Variants in ARHGAP24 observed in about 807,000 individuals in gnomAD.
ARHGAP24 encodes Rho GTPase activating protein 24, also known as rho GTPase-activating protein 24.
Under a neutral mutation model 76.4 loss-of-function variants are expected in ARHGAP24, and 50 were observed. The ratio of observed to expected loss-of-function variants is 0.65; its 90% CI spans 0.52 to 0.83. The LOEUF (loss-of-function observed/expected upper bound fraction) is 0.83, where lower values mean the gene tolerates loss of function less well. Ranked by LOEUF, ARHGAP24 falls within the 40% of genes least tolerant of loss-of-function variation. ARHGAP24 has a pLI of 0.00. For missense variants in ARHGAP24, 930 were observed against 914.2 expected, an observed-to-expected ratio of 1.02 and a Z score of -0.22; for synonymous variants, 345 against 323.3, an observed-to-expected ratio of 1.07 and a Z score of -0.72.
chr4:85,776,966 C>A (rs923455701), intron 3 of ARHGAP24, among the ~76,000 whole-genome samples: 15 of 152,014 alleles, frequency 9.9e-5, no homozygotes, highest in African/African-American at 3.6e-4. Context: ...TCAATGTGTC[C>A]AACTCTTGTC....
intron 1 of ARHGAP24, among the ~76,000 whole-genome samples, chr4:85,513,865 T>G (rs1445896043): frequency 6.6e-6 from 1 of 152,238 alleles, no homozygotes; most frequent in Non-Finnish European, 1.5e-5. Context: ...GTTTTGTTGC[T>G]TGTCCCAGAG....
chr4:85,797,108 TGATGATA>T lies in ARHGAP24; in HGVS notation c.268+75139_268+75145del, dbSNP rs1460334968. Among the ~76,000 whole-genome samples, 4 of 152,188 alleles carry T rather than the reference TGATGATA, an allele frequency of 2.6e-5. No individual in the cohort carries two copies. In the South Asian group the frequency reaches 6.2e-4, roughly 24 times the overall value. Reference sequence around the variant, plus strand: ...GCAGTGTCTCTCTATCGCCCTCTACTGATGATAGAGTTTAGCATGGTAGCAGCTGGGA... The same window carrying T: ...GCAGTGTCTCTCTATCGCCCTCTACTGAGTTTAGCATGGTAGCAGCTGGGA... On this transcript the variant is annotated intron_variant, in intron 3 of 9. Transcript: ENST00000395184.
chr4:85,568,195 G>A (rs751099725), intron 1 of ARHGAP24, among the ~76,000 whole-genome samples: 81 of 151,778 alleles, frequency 5.3e-4, no homozygotes, highest in Middle Eastern at 3.4e-3. Flanking sequence ...CATTTTAGAG[G>A]GAATTTTTCA....
intron 3 of ARHGAP24, among the ~76,000 whole-genome samples, chr4:85,758,835 T>C (rs1468673904): frequency 1.3e-5 from 2 of 152,124 alleles, no homozygotes; most frequent in Admixed American, 6.5e-5. Flanking sequence ...TTAAGAACTG[T>C]TAAGGAAAAT....
chr4:85,804,722 ATATTT>A (rs1486676838), intron 3 of ARHGAP24, among the ~76,000 whole-genome samples: 3 of 152,172 alleles, frequency 2.0e-5, no homozygotes, highest in African/African-American at 7.2e-5. Flanking sequence ...ATTTTTCAAA[ATATTT>A]TATTTTATTT....
chr4:85,741,709 T>A (rs1214553641), intron 3 of ARHGAP24, among the ~76,000 whole-genome samples: 1 of 152,200 alleles, frequency 6.6e-6, no homozygotes, highest in Admixed American at 6.5e-5. Flanking sequence ...AGAGAGAAAC[T>A]GAATTTGTTT....
chr4:85,559,866 T>G (rs1254936286), intron 1 of ARHGAP24, among the ~76,000 whole-genome samples: 9 of 152,232 alleles, frequency 5.9e-5, no homozygotes, highest in Admixed American at 5.9e-4. Context: ...TCTTTTCCCG[T>G]TTCAGATGCC....
intron 5 of ARHGAP24, among the ~76,000 whole-genome samples, chr4:85,963,939 T>C (rs1028917579): frequency 3.3e-5 from 5 of 152,120 alleles, no homozygotes; most frequent in African/African-American, 9.7e-5. Flanking sequence ...TTAGGGTACA[T>C]GTGCACAACG....
At position 85,731,504 on chromosome 4, in the gene ARHGAP24, G is replaced by A. The variant is rs72974983; in HGVS notation, c.268+9532G>A. ...TTATCATCTATGGATTGATCACATT[G>A]GATTAGTCAAAGTTAGAGTTGTCTA... On this transcript the variant is annotated intron_variant, in intron 3 of 9. Transcript: ENST00000395184. Among the ~76,000 whole-genome samples, 1,094 of 152,254 alleles carry A rather than the reference G, an allele frequency of 7.2e-3. 17 individuals carry two copies. The highest frequency in any genetic ancestry group is 0.024 in the African/African-American group (991 of 41,546).
At chr4:85,937,981 A>G (rs1239662785) in intron 4 of ARHGAP24, among the ~76,000 whole-genome samples, 2 of 152,204 alleles carry the variant, frequency 1.3e-5, no homozygotes, top group African/African-American at 4.8e-5. Flanking sequence ...TGAAATATGA[A>G]TGTATCTATA....
intron 2 of ARHGAP24, among the ~76,000 whole-genome samples, chr4:85,656,604 A>T (rs1385458636): frequency 1.3e-5 from 2 of 152,070 alleles, no homozygotes; most frequent in African/African-American, 4.8e-5. Flanking sequence ...AGTAGCTGGG[A>T]TTACAAGCGT....
At chr4:86,000,258 G>T (rs1176599271) in intron 9 of ARHGAP24, 2 of 430,340 alleles carry the variant, frequency 4.6e-6, no homozygotes, top group African/African-American at 4.0e-5. Flanking sequence ...AGAGGCCTTG[G>T]GACCTAATGA....
At chr4:85,493,543 C>G (rs151010785) in intron 1 of ARHGAP24, among the ~76,000 whole-genome samples, 3 of 152,296 alleles carry the variant, frequency 2.0e-5, no homozygotes, top group Admixed American at 2.0e-4. Flanking sequence ...TTTTGTTGCT[C>G]AAATTGTCCA....
intron 2 of ARHGAP24, among the ~76,000 whole-genome samples, chr4:85,680,792 A>G (rs898316329): frequency 6.7e-6 from 1 of 148,598 alleles, no homozygotes; most frequent in South Asian, 2.1e-4. Flanking sequence ...TATTATAATT[A>G]TAATTATAAT....
At chr4:85,570,392 T>TC (rs1727084011) in intron 1 of ARHGAP24, 130 bp from the exon 2 acceptor site, 3 of 10,984 alleles carry the variant, frequency 2.7e-4, no homozygotes, top group Non-Finnish European at 5.9e-4. Context: ...CTTTCTTTCT[T>TC]TCTTTCTTTC....
intron 1 of ARHGAP24, among the ~76,000 whole-genome samples, chr4:85,478,663 G>A (rs535877625): frequency 6.6e-6 from 1 of 152,222 alleles, no homozygotes; most frequent in African/African-American, 2.4e-5. Flanking sequence ...GCTCTTCCAA[G>A]CCCTTTCTTT....
chr4:85,875,050 A>G (rs1218930348), intron 3 of ARHGAP24, among the ~76,000 whole-genome samples: 2 of 79,046 alleles, frequency 2.5e-5, no homozygotes, highest in African/African-American at 1.1e-4. Flanking sequence ...TTATTTATAT[A>G]TAATATATTT....
At chr4:85,591,398 A>G (rs1376116319) in intron 2 of ARHGAP24, among the ~76,000 whole-genome samples, 1 of 152,158 alleles carries the variant, frequency 6.6e-6, no homozygotes, top group Non-Finnish European at 1.5e-5. Context: ...TGGTAATCAC[A>G]TATCTACCAA....
intron 3 of ARHGAP24, among the ~76,000 whole-genome samples, chr4:85,832,782 T>C (rs533339584): frequency 6.6e-6 from 1 of 152,326 alleles, no homozygotes; most frequent in African/African-American, 2.4e-5. Flanking sequence ...ATCAGCATAC[T>C]AGAAGGCTTT....
Sources: allele counts gnomAD v4.1 joint callset (sites outside exome capture counted in the v4.1 genomes callset), GRCh38; gene constraint gnomAD v4.1.1; transcripts MANE v1.5; gene names NCBI Gene and HGNC (gene_info 2026-07-23, HGNC 2026-07-21).